Variants in TENM3 observed in about 807,000 individuals in gnomAD.
TENM3 encodes the protein teneurin transmembrane protein 3, also known as teneurin-3.
Under a neutral mutation model 255.1 loss-of-function variants are expected in TENM3, and 63 were observed. That is an observed-to-expected ratio of 0.25 (90% CI 0.20 to 0.30). TENM3 has a LOEUF of 0.30. Ranked by LOEUF, TENM3 falls within the 10% of genes least tolerant of loss-of-function variation. The probability of loss-of-function intolerance (pLI) is 1.00; values close to 1 mark genes in which losing one functional copy is unlikely to be tolerated. For missense variants in TENM3, 2,929 were observed against 3,461.1 expected, an observed-to-expected ratio of 0.85 and a Z score of 3.86; for synonymous variants, 1,306 against 1,322.3, an observed-to-expected ratio of 0.99 and a Z score of 0.27.
intron 1 of TENM3, among the ~76,000 whole-genome samples, chr4:182,215,380 G>A (rs552262971): frequency 3.7e-4 from 56 of 151,972 alleles, no homozygotes; most frequent in African/African-American, 1.3e-3. Flanking sequence ...CACTTCACTC[G>A]ATGAGTTTTT....
chr4:182,050,561 TG>T, the TENM3 span, among the ~76,000 whole-genome samples: 1 of 152,114 alleles, frequency 6.6e-6, no homozygotes, highest in East Asian at 1.9e-4. Context: ...CCCAGCACTT[TG>T]GGAGGCCAAG....
the TENM3 span, among the ~76,000 whole-genome samples, chr4:182,133,690 T>G: frequency 6.6e-6 from 1 of 152,188 alleles, no homozygotes; most frequent in African/African-American, 2.4e-5. Flanking sequence ...TCACTGAATT[T>G]TCAGCTGGAA....
chr4:182,574,366 T>C (rs1744712084), intron 3 of TENM3, among the ~76,000 whole-genome samples: 1 of 152,118 alleles, frequency 6.6e-6, no homozygotes, highest in Non-Finnish European at 1.5e-5. Flanking sequence ...AGGAAGGGCT[T>C]ACTTATGGAT....
chr4:181,598,364 C>T, the TENM3 span, among the ~76,000 whole-genome samples: 131 of 152,270 alleles, frequency 8.6e-4, no homozygotes, highest in African/African-American at 3.1e-3. Flanking sequence ...AAATCTCTAT[C>T]CTTCCCACAA....
chr4:182,316,882 TCC>T (rs1373577277), intron 1 of TENM3, among the ~76,000 whole-genome samples: 2 of 152,120 alleles, frequency 1.3e-5, no homozygotes, highest in Admixed American at 1.3e-4. Flanking sequence ...TCTTCCTGGG[TCC>T]CCCTTCCTGT....
the TENM3 span, among the ~76,000 whole-genome samples, chr4:181,564,033 C>CTTTTTTTTTTTT: frequency 4.0e-5 from 2 of 49,472 alleles, no homozygotes; most frequent in Non-Finnish European, 7.6e-5. Flanking sequence ...CTTTTCTTTT[C>CTTTTTTTTTTTT]TTTTTTCTTT....
chr4:181,888,591 C>CGCGTGTGTGTGTGTGT, the TENM3 span, among the ~76,000 whole-genome samples: 2 of 90,176 alleles, frequency 2.2e-5, no homozygotes, highest in Non-Finnish European at 2.0e-5. Context: ...TATATATATG[C>CGCGTGTGTGTGTGTGT]GTGTGTGTGT....
At chr4:182,732,860 G>A (rs531525368) in intron 16 of TENM3, among the ~76,000 whole-genome samples, 5 of 152,224 alleles carry the variant, frequency 3.3e-5, no homozygotes, top group African/African-American at 7.2e-5. Flanking sequence ...GACTGTATTC[G>A]TAAAGAGGTA....
At chr4:181,653,621 G>T in the TENM3 span, among the ~76,000 whole-genome samples, 7 of 151,106 alleles carry the variant, frequency 4.6e-5, no homozygotes, top group Admixed American at 1.3e-4. Context: ...GGATGCTCTT[G>T]ATCTCTTGAC....
At chr4:181,460,692 T>TTC in the TENM3 span, among the ~76,000 whole-genome samples, 11 of 150,452 alleles carry the variant, frequency 7.3e-5, no homozygotes, top group Admixed American at 4.0e-4. Context: ...TTTTTTTTTT[T>TTC]CATGGTTGCT....
intron 1 of TENM3, among the ~76,000 whole-genome samples, chr4:182,282,668 G>A (rs560969915): frequency 3.3e-5 from 5 of 152,100 alleles, no homozygotes; most frequent in Admixed American, 6.5e-5. Context: ...CTAGGCAGTC[G>A]GATCACCTGA....
At chr4:181,668,962 G>A in the TENM3 span, among the ~76,000 whole-genome samples, 1 of 152,106 alleles carries the variant, frequency 6.6e-6, no homozygotes, top group East Asian at 1.9e-4. Context: ...CCTTGAAAAT[G>A]GAATCATAGA....
At chr4:182,380,617 G>A (rs939101739) in intron 3 of TENM3, among the ~76,000 whole-genome samples, 2 of 151,960 alleles carry the variant, frequency 1.3e-5, no homozygotes, top group African/African-American at 4.8e-5. Context: ...ATCAGTTTTG[G>A]TAATACCCTG....
the TENM3 span, among the ~76,000 whole-genome samples, chr4:182,070,298 TAGA>T: frequency 3.3e-5 from 5 of 152,270 alleles, no homozygotes; most frequent in East Asian, 9.7e-4. Flanking sequence ...GCCTTACAAA[TAGA>T]AGGTTTTGAA....
At chr4:182,116,622 G>A in the TENM3 span, among the ~76,000 whole-genome samples, 72 of 152,202 alleles carry the variant, frequency 4.7e-4, 1 homozygote, top group African/African-American at 1.6e-3. Flanking sequence ...CCACCCATGC[G>A]GAACTGTGAG....
At chr4:181,875,313 A>G in the TENM3 span, among the ~76,000 whole-genome samples, 1 of 152,132 alleles carries the variant, frequency 6.6e-6, no homozygotes, top group Non-Finnish European at 1.5e-5. Flanking sequence ...AATAATAGCA[A>G]TTTGTTAGAG....
the TENM3 span, among the ~76,000 whole-genome samples, chr4:181,801,960 AT>A: frequency 3.3e-5 from 5 of 151,878 alleles, no homozygotes; most frequent in Non-Finnish European, 7.4e-5. Context: ...GCCCAAGCAG[AT>A]TTTTTTTAAA....
At chr4:182,059,381 T>C in the TENM3 span, among the ~76,000 whole-genome samples, 1 of 152,114 alleles carries the variant, frequency 6.6e-6, no homozygotes, top group Non-Finnish European at 1.5e-5. Flanking sequence ...TTTAATCAGT[T>C]TACCAAAATG....
the TENM3 span, among the ~76,000 whole-genome samples, chr4:181,605,552 AAGAAAGAAAGAAAGAAAGAGAG>A: frequency 7.5e-4 from 22 of 29,466 alleles, 4 homozygotes; most frequent in Admixed American, 3.9e-3. Flanking sequence ...GAAAGAAAGA[AAGAAAGAAAGAAAGAAAGAGAG>A]AGAAAGAAAG....
Sources: allele counts gnomAD v4.1 joint callset (sites outside exome capture counted in the v4.1 genomes callset), GRCh38; gene constraint gnomAD v4.1.1; transcripts MANE v1.5; gene names NCBI Gene and HGNC (gene_info 2026-07-23, HGNC 2026-07-21).